PCDH7: variants seen among roughly 807,000 people sequenced by gnomAD.
PCDH7 encodes the protein protocadherin 7.
A neutral mutation model predicts 58.9 loss-of-function variants in PCDH7; 17 were observed. The observed-to-expected ratio is 0.29, with a 90% CI of 0.20 to 0.43. PCDH7 has a LOEUF of 0.43. PCDH7 is among the 20% of genes least tolerant of loss of function. The pLI is 1.00. For missense variants in PCDH7, 1,274 were observed against 1,441.0 expected, an observed-to-expected ratio of 0.88 and a Z score of 1.88; for synonymous variants, 664 against 616.4, an observed-to-expected ratio of 1.08 and a Z score of -1.14.
chr4:30,924,149 A>T (rs1168928001), intron 2 of PCDH7, among the ~76,000 whole-genome samples: 1 of 152,100 alleles, frequency 6.6e-6, no homozygotes, highest in Non-Finnish European at 1.5e-5. Context: ...TCATGCCATG[A>T]CCTACTTGAT....
intron 2 of PCDH7, among the ~76,000 whole-genome samples, chr4:30,935,104 A>G (rs2109430225): frequency 6.6e-6 from 1 of 152,224 alleles, no homozygotes; most frequent in East Asian, 1.9e-4. Flanking sequence ...TTGCTGAAGT[A>G]TTACTTTACT....
intron 1 of PCDH7, among the ~76,000 whole-genome samples, chr4:30,861,273 C>T (rs1734158250): frequency 6.6e-6 from 1 of 152,104 alleles, no homozygotes; most frequent in Non-Finnish European, 1.5e-5. Context: ...CTCTGATTCA[C>T]CCCCACTCTC....
intron 3 of PCDH7, among the ~76,000 whole-genome samples, chr4:31,051,834 G>GTGT (rs66792126): frequency 3.3e-5 from 4 of 119,446 alleles, no homozygotes; most frequent in East Asian, 9.7e-4. Context: ...GGGTGTGTGT[G>GTGT]GGGGGCGGGT....
intron 3 of PCDH7, among the ~76,000 whole-genome samples, chr4:31,114,250 A>G (rs2109315024): frequency 6.6e-6 from 1 of 152,284 alleles, no homozygotes. Context: ...CACATATACT[A>G]CTTTAGACAA....
intron 1 of PCDH7, among the ~76,000 whole-genome samples, chr4:30,848,212 T>C (rs1339917743): frequency 6.6e-6 from 1 of 152,148 alleles, no homozygotes; most frequent in Non-Finnish European, 1.5e-5. Flanking sequence ...CTGAAATCTT[T>C]GCTAGAGCCT....
chr4:30,814,934 G>A (rs1727477420), intron 1 of PCDH7, among the ~76,000 whole-genome samples: 1 of 151,736 alleles, frequency 6.6e-6, no homozygotes, highest in Non-Finnish European at 1.5e-5. Context: ...TGACGTGATG[G>A]GAATGTAAAA....
downstream of PCDH7, among the ~76,000 whole-genome samples, chr4:30,735,970 T>C (rs1716191698): frequency 6.6e-6 from 1 of 152,176 alleles, no homozygotes; most frequent in South Asian, 2.1e-4. Flanking sequence ...TCATCTCCAT[T>C]CATTTTCTGC....
intron 3 of PCDH7, among the ~76,000 whole-genome samples, chr4:30,973,182 A>G (rs1749758880): frequency 6.6e-6 from 1 of 152,214 alleles, no homozygotes; most frequent in South Asian, 2.1e-4. Context: ...TGATATAGAG[A>G]TAGATTATGA....
At chr4:30,973,551 G>T (rs1047680332) in intron 3 of PCDH7, among the ~76,000 whole-genome samples, 2 of 152,148 alleles carry the variant, frequency 1.3e-5, no homozygotes, top group African/African-American at 4.8e-5. Context: ...GGGGACAAAA[G>T]CCAAGCATTA....
chr4:30,773,838 T>G (rs1721728108), intron 1 of PCDH7, among the ~76,000 whole-genome samples: 1 of 152,140 alleles, frequency 6.6e-6, no homozygotes, highest in African/African-American at 2.4e-5. Context: ...GACCACATAA[T>G]TCTGTGGTCA....
intron 3 of PCDH7, chr4:30,987,587 G>A (rs1234468480): frequency 6.6e-6 from 1 of 152,068 alleles, no homozygotes; most frequent in South Asian, 2.1e-4. Flanking sequence ...GGTGGCTGAG[G>A]CAGGAGGAAC....
At chr4:30,918,572 A>T (rs1235313906) in intron 1 of PCDH7, among the ~76,000 whole-genome samples, 1 of 152,170 alleles carries the variant, frequency 6.6e-6, no homozygotes, top group African/African-American at 2.4e-5. Context: ...CATAACATAC[A>T]TGCTATGTAT....
intron 2 of PCDH7, among the ~76,000 whole-genome samples, chr4:30,936,452 T>A (rs1197665147): frequency 6.6e-6 from 1 of 152,100 alleles, no homozygotes; most frequent in Non-Finnish European, 1.5e-5. Context: ...AAAAACTAAT[T>A]TAAGTAGAAA....
At chr4:30,811,198 C>T (rs1026665526) in intron 1 of PCDH7, among the ~76,000 whole-genome samples, 2 of 152,112 alleles carry the variant, frequency 1.3e-5, no homozygotes, top group Non-Finnish European at 2.9e-5. Flanking sequence ...AAGAATATTT[C>T]CTCTGGGATG....
intron 2 of PCDH7, among the ~76,000 whole-genome samples, chr4:30,921,637 C>T (rs11937102): frequency 0.027 from 4,043 of 152,052 alleles, 179 homozygotes; most frequent in African/African-American, 0.09. Flanking sequence ...GTTAAAATGG[C>T]ATTTTGCCTT....
intron 3 of PCDH7, among the ~76,000 whole-genome samples, chr4:31,130,932 G>T (rs752303160): frequency 6.6e-6 from 1 of 152,048 alleles, no homozygotes; most frequent in Non-Finnish European, 1.5e-5. Context: ...GGGAATGAAG[G>T]TTTCAGATAG....
chr4:31,038,933 G>A (rs1030363858), intron 3 of PCDH7, among the ~76,000 whole-genome samples: 1 of 152,132 alleles, frequency 6.6e-6, no homozygotes, highest in Non-Finnish European at 1.5e-5. Context: ...GACTCCTTGT[G>A]TGTATCATAG....
At chr4:30,975,956 C>T (rs1254646252) in intron 3 of PCDH7, among the ~76,000 whole-genome samples, 1 of 152,054 alleles carries the variant, frequency 6.6e-6, no homozygotes, top group Non-Finnish European at 1.5e-5. Context: ...CTCAGGTGAA[C>T]ATTTGTCTTA....
chr4:31,014,758 C>T (rs529609189), intron 3 of PCDH7, among the ~76,000 whole-genome samples: 3 of 152,172 alleles, frequency 2.0e-5, no homozygotes, highest in Admixed American at 6.5e-5. Flanking sequence ...GAAAAATGAT[C>T]TCTTAGAATT....
Sources: gnomAD v4.1 joint callset for allele counts (sites outside exome capture counted in the v4.1 genomes callset) on GRCh38, gnomAD v4.1.1 for gene constraint, MANE v1.5 for transcripts, NCBI Gene and HGNC (gene_info 2026-07-23, HGNC 2026-07-21) for gene names.